Variants in TMTC2 observed in about 807,000 individuals in gnomAD.
TMTC2 encodes the protein protein O-mannosyl-transferase TMTC2.
TMTC2 carries 43 observed loss-of-function variants against 82.4 expected under a neutral mutation model. The observed-to-expected ratio is 0.52, with a 90% CI of 0.41 to 0.67. The LOEUF is 0.67. Ranked by LOEUF, TMTC2 falls within the 30% of genes least tolerant of loss-of-function variation. The pLI, the probability that TMTC2 is intolerant of heterozygous loss-of-function variation, is 0.00. For synonymous variants in TMTC2, 408 were observed against 381.9 expected (o/e 1.07, Z -0.80); for missense variants, 919 against 1,012.4 (o/e 0.91, Z 1.25).
At chr12:83,048,761 C>T (rs557583922) in intron 9 of TMTC2, among the ~76,000 whole-genome samples, 92 of 152,264 alleles carry the variant, frequency 6.0e-4, no homozygotes, top group African/African-American at 1.8e-3. Context: ...CTCCGCCTCC[C>T]GGGTTCAAGC....
rs1385454749 is a variant in TMTC2, at chr12:82,857,106, C to T, written c.180C>T (p.Gly60=). Residue 60 remains glycine (G), a synonymous_variant, in exon 2 of 12, where the codon GGC becomes GGT. Coordinates refer to ENST00000321196, the MANE Select transcript of TMTC2 (RefSeq NM_152588.3). ...GGGGGACTCTTCTAACCCACAGTGG[C>T]AGCCACAAGTCCTACCGGCCACTCT... is the stretch of plus-strand genomic sequence containing the variant. ...DFWGTLLTHS[G]SHKSYRPLCT... 3 of 1,613,980 alleles carry T rather than the reference C, an allele frequency of 1.9e-6. No homozygotes were observed. In the Admixed American group the frequency reaches 5.0e-5, roughly 27 times the overall value.
chr12:82,735,553 G>A (rs1041785245), intron 1 of TMTC2, among the ~76,000 whole-genome samples: 1 of 151,854 alleles, frequency 6.6e-6, no homozygotes, highest in Non-Finnish European at 1.5e-5. Flanking sequence ...CACTGTGTTA[G>A]CCAGGATGGT....
At chr12:82,708,277 G>A (rs1227343012) in intron 1 of TMTC2, among the ~76,000 whole-genome samples, 1 of 152,118 alleles carries the variant, frequency 6.6e-6, no homozygotes, top group Non-Finnish European at 1.5e-5. Flanking sequence ...AGCACATCTG[G>A]ACATTCTCAG....
chr12:83,047,319 G>C (rs564111979), intron 9 of TMTC2, among the ~76,000 whole-genome samples: 10 of 152,156 alleles, frequency 6.6e-5, no homozygotes, highest in Non-Finnish European at 1.0e-4. Context: ...TCTTTGAGTA[G>C]TTCTTAGGAA....
At chr12:83,072,108 T>C (rs1883139235) in intron 11 of TMTC2, among the ~76,000 whole-genome samples, 1 of 152,180 alleles carries the variant, frequency 6.6e-6, no homozygotes, top group South Asian at 2.1e-4. Flanking sequence ...AGATTGTCAA[T>C]TTGTGCTCTT....
intron 1 of TMTC2, among the ~76,000 whole-genome samples, chr12:82,825,930 G>A (rs1414841753): frequency 1.3e-5 from 2 of 152,050 alleles, no homozygotes; most frequent in Non-Finnish European, 2.9e-5. Flanking sequence ...TTCAATACCA[G>A]TGAAAGAGAG....
chr12:82,713,341 A>G (rs1212059802), intron 1 of TMTC2, among the ~76,000 whole-genome samples: 9 of 152,106 alleles, frequency 5.9e-5, no homozygotes, highest in Admixed American at 3.9e-4. Flanking sequence ...ACAAAAAAAA[A>G]CAAAAACAAA....
At chr12:82,956,108 A>G (rs1877598833) in intron 4 of TMTC2, among the ~76,000 whole-genome samples, 1 of 152,142 alleles carries the variant, frequency 6.6e-6, no homozygotes, top group East Asian at 1.9e-4. Flanking sequence ...CAAAATAATG[A>G]TAACTGCTAC....
At chr12:82,874,346 A>T (rs1464418861) in intron 2 of TMTC2, among the ~76,000 whole-genome samples, 2 of 152,176 alleles carry the variant, frequency 1.3e-5, no homozygotes, top group Non-Finnish European at 2.9e-5. Flanking sequence ...ATTTCTGAGG[A>T]TGCTTCAGGA....
At chr12:82,916,006 C>T (rs1254010711) in intron 3 of TMTC2, among the ~76,000 whole-genome samples, 2 of 152,124 alleles carry the variant, frequency 1.3e-5, no homozygotes, top group Non-Finnish European at 2.9e-5. Context: ...CCAGCTTGAT[C>T]AACATAGAAA....
At chr12:82,888,122 A>G (rs1873199249) in intron 2 of TMTC2, among the ~76,000 whole-genome samples, 1 of 152,150 alleles carries the variant, frequency 6.6e-6, no homozygotes, top group African/African-American at 2.4e-5. Context: ...AAAAAATTAC[A>G]CTTTCATAAG....
intron 1 of TMTC2, among the ~76,000 whole-genome samples, chr12:82,767,318 C>T (rs1288060267): frequency 6.6e-6 from 1 of 152,240 alleles, no homozygotes; most frequent in Non-Finnish European, 1.5e-5. Context: ...GGCACTGTGG[C>T]TTATGCCTGT....
intron 7 of TMTC2, among the ~76,000 whole-genome samples, chr12:82,983,231 A>G (rs928229208): frequency 2.2e-4 from 34 of 152,054 alleles, no homozygotes; most frequent in Non-Finnish European, 4.0e-4. Flanking sequence ...TTAAGACACA[A>G]TGAATGGTTA....
intron 8 of TMTC2, among the ~76,000 whole-genome samples, chr12:83,015,848 C>T (rs1001955365): frequency 6.6e-6 from 1 of 152,194 alleles, no homozygotes; most frequent in African/African-American, 2.4e-5. Context: ...TGTATTTATA[C>T]ATACAGACTT....
chr12:82,916,100 C>T (rs918781149), intron 3 of TMTC2, among the ~76,000 whole-genome samples: 3 of 152,082 alleles, frequency 2.0e-5, no homozygotes, highest in Non-Finnish European at 2.9e-5. Context: ...ATGGGCTATG[C>T]GATCAGCCAT....
At chr12:82,779,512 AG>A (rs1357504700) in intron 1 of TMTC2, among the ~76,000 whole-genome samples, 1 of 152,186 alleles carries the variant, frequency 6.6e-6, no homozygotes, top group Admixed American at 6.5e-5. Context: ...ATGATCAACA[AG>A]TATAGATTAA....
intron 4 of TMTC2, among the ~76,000 whole-genome samples, chr12:82,944,911 A>G (rs1162117398): frequency 6.6e-6 from 1 of 152,248 alleles, no homozygotes; most frequent in East Asian, 1.9e-4. Flanking sequence ...ATATGGACAC[A>G]AAGACCAAAG....
chr12:82,687,188 C>G lies in TMTC2; in HGVS notation c.-399C>G, dbSNP rs1451660180. 3 of 231,892 alleles carry G rather than the reference C, an allele frequency of 1.3e-5. No individual in the cohort carries two copies. The highest frequency in any genetic ancestry group is 2.3e-5 in the African/African-American group (1 of 43,680). 14.4% of individuals were successfully genotyped at this position (231,892 alleles called of 1,614,324 possible). A position where few individuals can be genotyped will look rare whatever the true frequency, so the allele number is the denominator to read the frequency against. On this transcript the variant is annotated 5_prime_UTR_variant, in exon 1 of 12. Transcript: ENST00000321196. ...CGGCTTGGTCCGGTCCCTCTGCCCC[C>G]ATCCCGCACCCTTCCACCTCCTCCG...
intron 11 of TMTC2, among the ~76,000 whole-genome samples, chr12:83,083,881 G>A (rs570192667): frequency 1.3e-5 from 2 of 152,224 alleles, no homozygotes; most frequent in Non-Finnish European, 2.9e-5. Context: ...AGCACATTGA[G>A]AGGCTGTACT....
Sources: gnomAD v4.1 joint callset for allele counts (sites outside exome capture counted in the v4.1 genomes callset) on GRCh38, gnomAD v4.1.1 for gene constraint, MANE v1.5 for transcripts, NCBI Gene and HGNC (gene_info 2026-07-23, HGNC 2026-07-21) for gene names.